The following GLDC variants were observed in gnomAD, a reference collection of about 807,000 sequenced individuals.
GLDC encodes the protein glycine decarboxylase.
GLDC carries 104 observed loss-of-function variants against 121.3 expected under a neutral mutation model. The observed-to-expected ratio is 0.86, with a 90% CI of 0.73 to 1.01. The LOEUF (loss-of-function observed/expected upper bound fraction) is 1.01. Among genes scored for constraint, GLDC ranks in the 50% least tolerant of loss-of-function variants. The pLI is 0.00. For synonymous variants in GLDC, 546 were observed against 480.6 expected, an observed-to-expected ratio of 1.14 and a Z score of -1.78; for missense variants, 1,429 against 1,306.6, an observed-to-expected ratio of 1.09 and a Z score of -1.44.
chr9:6,629,958 T>TGTGTATATATATATA, intron 2 of GLDC, among the ~76,000 whole-genome samples: 1 of 78,678 alleles, frequency 1.3e-5, no homozygotes, highest in Non-Finnish European at 2.4e-5. Context: ...TATATATATA[T>TGTGTATATATATATA]TTTTTTTTTT....
intron 4 of GLDC, 48 bp from the exon 5 acceptor site, chr9:6,606,717 G>A: frequency 9.6e-7 from 1 of 1,045,050 alleles, no homozygotes; most frequent in Non-Finnish European, 1.5e-6. Context: ...AAATAAATAG[G>A]ACTATCTTCT....
chr9:6,636,475 G>A (rs1819504640), intron 2 of GLDC, among the ~76,000 whole-genome samples: 1 of 152,144 alleles, frequency 6.6e-6, no homozygotes. Flanking sequence ...ACCTAAAACT[G>A]CTCTAAAAAA....
intron 14 of GLDC, among the ~76,000 whole-genome samples, chr9:6,588,075 A>G (rs1818305740): frequency 7.1e-6 from 1 of 141,754 alleles, no homozygotes; most frequent in Non-Finnish European, 1.5e-5. Flanking sequence ...TTAGAACTAT[A>G]AACAATTTTT....
intron 3 of GLDC, among the ~76,000 whole-genome samples, chr9:6,615,774 C>A (rs1017311618): frequency 6.6e-6 from 1 of 152,000 alleles, no homozygotes; most frequent in Non-Finnish European, 1.5e-5. Context: ...CTAGGCCTGG[C>A]TAATTTTTTT....
At chr9:6,608,136 G>A (rs941020216) in intron 4 of GLDC, among the ~76,000 whole-genome samples, 2 of 151,982 alleles carry the variant, frequency 1.3e-5, no homozygotes, top group Non-Finnish European at 2.9e-5. Flanking sequence ...ATTGAGGGCC[G>A]GGCGGGGTGG....
rs150802926 is a variant in GLDC at position 6,571,294 on chromosome 9, G to C, written c.1851-5865C>G. ...CACCCAGTGGGTGCCTGAAACCATG[G>C]ATGGCACCCAAACCCAGGTGTACTA... is the stretch of plus-strand genomic sequence containing the variant. On this transcript the variant is annotated intron_variant, in intron 15 of 24. Coordinates refer to ENST00000321612, the MANE Select transcript of GLDC (RefSeq NM_000170.3). Among the ~76,000 whole-genome samples, 1,063 of 152,180 alleles carry C rather than the reference G, an allele frequency of 7.0e-3. 9 individuals carry two copies. Among genetic ancestry groups the C allele is most frequent in the South Asian group, 0.015 (71 of 4,816 alleles).
chr9:6,546,767 G>C (rs573687517), intron 21 of GLDC, among the ~76,000 whole-genome samples: 28 of 151,858 alleles, frequency 1.8e-4, no homozygotes, highest in African/African-American at 6.3e-4. Flanking sequence ...TTTGAGACCA[G>C]CCCGGGCAAC....
At chr9:6,590,840 T>C (rs1027387104) in intron 11 of GLDC, among the ~76,000 whole-genome samples, 3 of 152,222 alleles carry the variant, frequency 2.0e-5, no homozygotes, top group African/African-American at 4.8e-5. Flanking sequence ...TCCTGTTTAA[T>C]TGAGGTTTAA....
intron 2 of GLDC, among the ~76,000 whole-genome samples, chr9:6,643,460 G>C (rs556262591): frequency 6.0e-5 from 9 of 150,422 alleles, no homozygotes; most frequent in African/African-American, 2.2e-4. Flanking sequence ...TAAAACAGCT[G>C]CTCTCTCTTC....
At chr9:6,612,729 G>T (rs1420772865) in intron 3 of GLDC, among the ~76,000 whole-genome samples, 1 of 152,188 alleles carries the variant, frequency 6.6e-6, no homozygotes, top group Non-Finnish European at 1.5e-5. Context: ...GGGTGTGGTG[G>T]CACGTGCTTG....
chr9:6,645,123 G>T, intron 1 of GLDC, 122 bp downstream of exon 1: 3 of 1,006,122 alleles, frequency 3.0e-6, no homozygotes, highest in South Asian at 1.7e-5. Flanking sequence ...CACGGCCCGG[G>T]ACCCAGGGTG....
In GLDC at chr9:6,594,989, T is replaced by A. The variant is rs191585412; in HGVS notation, c.1261+25A>T. ...ATTTATCAATTTTATTATGCCCAAA[T>A]GTTTTAGACAGATTACCAACTCACC... On this transcript the variant is annotated intron_variant, in intron 9 of 24. Transcript: ENST00000321612. 3,325 of 1,326,288 alleles carry A rather than the reference T, an allele frequency of 2.5e-3. 6 individuals carry two copies. Among genetic ancestry groups the A allele is most frequent in the Non-Finnish European group, 2.9e-3 (2,641 of 917,446 alleles). The allele number at this position is 1,326,288 out of a possible 1,614,324, so 82.2% of individuals were successfully genotyped here. A position where few individuals can be genotyped will look rare whatever the true frequency, so the allele number is the denominator to read the frequency against.
chr9:6,629,958 T>TATATATATATATATATGTA, intron 2 of GLDC, among the ~76,000 whole-genome samples: 1 of 78,680 alleles, frequency 1.3e-5, no homozygotes. Flanking sequence ...TATATATATA[T>TATATATATATATATATGTA]TTTTTTTTTT....
chr9:6,582,587 T>C (rs1818191878), intron 15 of GLDC, among the ~76,000 whole-genome samples: 1 of 151,384 alleles, frequency 6.6e-6, no homozygotes, highest in Admixed American at 6.6e-5. Context: ...CCCAGCACTT[T>C]GAGAGGCCGA....
At chr9:6,550,618 C>G (rs1235403878) in intron 21 of GLDC, among the ~76,000 whole-genome samples, 185 bp downstream of exon 21, 2 of 152,154 alleles carry the variant, frequency 1.3e-5, no homozygotes, top group African/African-American at 2.4e-5. Flanking sequence ...CAGAGCAAGA[C>G]TCTATCTCAA....
chr9:6,592,805 T>C (rs750948160), intron 10 of GLDC, 46 bp downstream of exon 10: 9 of 1,564,092 alleles, frequency 5.8e-6, no homozygotes, highest in African/African-American at 1.4e-5. Context: ...TGAGAAACAA[T>C]GTGAAAATTT....
chr9:6,532,940 G>C lies in GLDC; in HGVS notation c.*77C>G. The C allele has an allele frequency of 2.0e-6, 2 of 998,528 alleles. No homozygotes were observed. Among genetic ancestry groups the C allele is most frequent in the South Asian group, 1.3e-5 (1 of 78,270 alleles). The allele number at this position is 998,528 out of a possible 1,614,324, so 61.9% of individuals were successfully genotyped here. A position where few individuals can be genotyped will look rare whatever the true frequency, so the allele number is the denominator to read the frequency against. The stretch of plus-strand genomic sequence containing the variant: ...AAACTCCTACTTGAGGCTGGGGTGG[G>C]AGATGAAATCTTTCTTGCTTATCAA... On this transcript the variant is annotated 3_prime_UTR_variant, in exon 25 of 25. Transcript: ENST00000321612.
intron 2 of GLDC, among the ~76,000 whole-genome samples, chr9:6,624,348 T>C (rs756312978): frequency 6.6e-5 from 10 of 152,216 alleles, no homozygotes; most frequent in Non-Finnish European, 1.5e-4. Context: ...AATCCAATGA[T>C]TGGTGTCCTT....
chr9:6,639,625 G>A, intron 2 of GLDC: 1 of 638,972 alleles, frequency 1.6e-6, no homozygotes, highest in Non-Finnish European at 2.8e-6. Flanking sequence ...GAGTCCAGCT[G>A]CCTAATTCTA....
Sources: allele counts gnomAD v4.1 joint callset (sites outside exome capture counted in the v4.1 genomes callset), GRCh38; gene constraint gnomAD v4.1.1; transcripts MANE v1.5; gene names NCBI Gene and HGNC (gene_info 2026-07-23, HGNC 2026-07-21).